The following GRIN2A variants were observed in gnomAD, a reference collection of about 807,000 sequenced individuals.
The protein encoded by GRIN2A is glutamate receptor ionotropic, NMDA 2A.
Under a neutral mutation model 113.4 loss-of-function variants are expected in GRIN2A, and 22 were observed. The ratio of observed to expected loss-of-function variants is 0.19; its 90% CI spans 0.14 to 0.28. GRIN2A has a LOEUF of 0.28. Ranked by LOEUF, GRIN2A falls within the 10% of genes least tolerant of loss-of-function variation. GRIN2A has a pLI of 1.00. For synonymous variants in GRIN2A, 827 were observed against 738.4 expected (o/e 1.12, Z -1.94); for missense variants, 1,502 against 1,887.0 (o/e 0.80, Z 3.78).
At chr16:10,122,080 C>A (rs62035769) in intron 2 of GRIN2A, among the ~76,000 whole-genome samples, 72,957 of 151,888 alleles carry the variant, frequency 0.48, 17,639 homozygotes, top group Admixed American at 0.54. Context: ...ATTCAGCGCC[C>A]TTCTGGGCAC....
At chr16:9,770,273 C>A (rs75281074) in intron 11 of GRIN2A, among the ~76,000 whole-genome samples, 5,084 of 152,184 alleles carry the variant, frequency 0.033, 188 homozygotes, top group African/African-American at 0.092. Flanking sequence ...TATGTATATA[C>A]ATGATCTCTA....
In GRIN2A at chr16:9,830,002, A is replaced by T. The variant is rs541344471; in HGVS notation, c.1778-350T>A. The stretch of plus-strand genomic sequence containing the variant: ...ACCAGCCTTCTTAATAAACATAAAG[A>T]GAGCCTGACAAAAATGTGTGCATGG... On this transcript the variant is annotated intron_variant, in intron 8 of 12. Coordinates refer to ENST00000330684, the MANE Select transcript of GRIN2A (RefSeq NM_001134407.3). Among the ~76,000 whole-genome samples, 20 of 152,360 alleles carry T rather than the reference A, an allele frequency of 1.3e-4. No homozygotes were observed. The South Asian group carries it at 4.1e-3, about 32-fold the overall frequency.
intron 4 of GRIN2A, among the ~76,000 whole-genome samples, chr16:9,853,729 T>C (rs1435852986): frequency 2.6e-5 from 4 of 152,208 alleles, no homozygotes; most frequent in Admixed American, 2.6e-4. Context: ...ACTCCAATTT[T>C]TTTTTAATTA....
chr16:10,117,651 G>A lies in GRIN2A; in HGVS notation c.414+62347C>T, dbSNP rs147949448. On this transcript the variant is annotated intron_variant, in intron 2 of 12. Transcript: ENST00000330684. ...ACCAGGAGCATATAATGACCACATT[G>A]TTCCAGCACTGAACCATATGCTCCA... Among the ~76,000 whole-genome samples the A allele has an allele frequency of 5.3e-5, 8 of 152,286 alleles. No individual in the cohort carries two copies. The East Asian group carries it at 1.2e-3, about 22-fold the overall frequency.
intron 2 of GRIN2A, among the ~76,000 whole-genome samples, chr16:10,076,336 C>T (rs1485619757): frequency 2.0e-5 from 3 of 152,116 alleles, no homozygotes; most frequent in Admixed American, 6.5e-5. Context: ...AGAATGTTGA[C>T]GAGGCAACAA....
chr16:9,933,391 C>T (rs547712088), intron 3 of GRIN2A, among the ~76,000 whole-genome samples: 1 of 152,254 alleles, frequency 6.6e-6, no homozygotes, highest in East Asian at 1.9e-4. Flanking sequence ...CACCAAGTGG[C>T]ATGTCTAGCT....
At chr16:10,108,545 C>T (rs934982968) in intron 2 of GRIN2A, among the ~76,000 whole-genome samples, 1 of 152,250 alleles carries the variant, frequency 6.6e-6, no homozygotes, top group African/African-American at 2.4e-5. Flanking sequence ...CTCCTGATCA[C>T]AGCTGCCATG....
intron 4 of GRIN2A, among the ~76,000 whole-genome samples, chr16:9,887,785 C>T (rs911083912): frequency 5.9e-5 from 9 of 152,066 alleles, no homozygotes; most frequent in African/African-American, 1.9e-4. Context: ...TTTGGCCAGG[C>T]GCGTGGCTCA....
At chr16:10,046,677 A>G (rs1259157722) in intron 2 of GRIN2A, among the ~76,000 whole-genome samples, 2 of 152,112 alleles carry the variant, frequency 1.3e-5, no homozygotes, top group East Asian at 3.8e-4. Flanking sequence ...AATTTCCTTC[A>G]TTTCTTCCAT....
intron 2 of GRIN2A, among the ~76,000 whole-genome samples, chr16:10,119,415 T>C (rs746575552): frequency 6.6e-6 from 1 of 152,238 alleles, no homozygotes; most frequent in Non-Finnish European, 1.5e-5. Flanking sequence ...TTTCCAGAAA[T>C]CTGTTAATTC....
At chr16:10,039,816 A>AGG in intron 2 of GRIN2A, among the ~76,000 whole-genome samples, 1 of 107,200 alleles carries the variant, frequency 9.3e-6, no homozygotes. Context: ...GGGGAGAAAG[A>AGG]GAGAGAGAGA....
intron 2 of GRIN2A, among the ~76,000 whole-genome samples, chr16:10,053,417 A>G (rs1477304889): frequency 6.6e-6 from 1 of 152,198 alleles, no homozygotes; most frequent in Non-Finnish European, 1.5e-5. Context: ...AAATTACCCA[A>G]AGTCAGCCAG....
chr16:10,022,422 C>T (rs184351968), intron 2 of GRIN2A, among the ~76,000 whole-genome samples: 1 of 152,310 alleles, frequency 6.6e-6, no homozygotes, highest in East Asian at 1.9e-4. Flanking sequence ...CAAATCTCTT[C>T]CTTCTGTCTA....
intron 3 of GRIN2A, among the ~76,000 whole-genome samples, chr16:9,934,753 C>A (rs1401033342): frequency 2.7e-5 from 4 of 146,800 alleles, no homozygotes; most frequent in African/African-American, 1.0e-4. Context: ...CTTTCTTTGG[C>A]CTTTCTCTAG....
intron 2 of GRIN2A, among the ~76,000 whole-genome samples, chr16:10,080,826 ACTTGAACAGC>A (rs1281008088): frequency 6.6e-6 from 1 of 152,046 alleles, no homozygotes; most frequent in Non-Finnish European, 1.5e-5. Flanking sequence ...TCCCCATTAT[ACTTGAACAGC>A]CTTTGAAGGG....
chr16:9,757,062 T>C lies in GRIN2A; in HGVS notation c.*6087A>G. 1 of 206,598 alleles carries C rather than the reference T, an allele frequency of 4.8e-6. No individual in the cohort carries two copies. Among genetic ancestry groups the C allele is most frequent in the Non-Finnish European group, 9.9e-6 (1 of 101,148 alleles). The allele number at this position is 206,598 out of a possible 1,614,324, so 12.8% of individuals were successfully genotyped here. ...AAACAAAAAAGCTTTAGGGAAATGC[T>C]TCGTCTTTTTACATCATGGTCTATT... On this transcript the variant is annotated 3_prime_UTR_variant, in exon 13 of 13. Transcript: ENST00000330684.
intron 2 of GRIN2A, among the ~76,000 whole-genome samples, chr16:9,971,594 C>T (rs2045670414): frequency 6.6e-6 from 1 of 152,148 alleles, no homozygotes; most frequent in African/African-American, 2.4e-5. Context: ...TGTAAAACTG[C>T]CAATGTCGGG....
chr16:9,929,378 T>C (rs1240586904), intron 3 of GRIN2A, among the ~76,000 whole-genome samples: 1 of 152,248 alleles, frequency 6.6e-6, no homozygotes, highest in African/African-American at 2.4e-5. Flanking sequence ...TTCTGTTTAG[T>C]AAAAGACACC....
chr16:10,094,443 C>A (rs978603388), intron 2 of GRIN2A, among the ~76,000 whole-genome samples: 2 of 149,740 alleles, frequency 1.3e-5, no homozygotes, highest in Non-Finnish European at 2.9e-5. Context: ...ATTATTCTCA[C>A]CAAGAAAACA....
Sources: gnomAD v4.1 joint callset for allele counts (sites outside exome capture counted in the v4.1 genomes callset) on GRCh38, gnomAD v4.1.1 for gene constraint, MANE v1.5 for transcripts, NCBI Gene and HGNC (gene_info 2026-07-23, HGNC 2026-07-21) for gene names.